The following GON4L variants were observed in gnomAD, a reference collection of about 807,000 sequenced individuals.
GON4L encodes the protein GON-4-like protein.
Under a neutral mutation model 211.8 loss-of-function variants are expected in GON4L, and 87 were observed. The observed-to-expected ratio is 0.41, with a 90% CI of 0.35 to 0.49. The LOEUF is 0.49. Among genes scored for constraint, GON4L ranks in the 20% least tolerant of loss-of-function variants. The probability of loss-of-function intolerance (pLI) is 0.15; values close to 1 mark genes in which losing one functional copy is unlikely to be tolerated. For synonymous variants in GON4L, 875 were observed against 962.6 expected (o/e 0.91, Z 1.68); for missense variants, 2,155 against 2,659.5 (o/e 0.81, Z 4.17).
chr1:155,834,321 A>G (rs1186395893), intron 2 of GON4L, among the ~76,000 whole-genome samples: 1 of 151,906 alleles, frequency 6.6e-6, no homozygotes, highest in Non-Finnish European at 1.5e-5. Flanking sequence ...CACTTTTACT[A>G]TTACTTCTCC....
intron 12 of GON4L, among the ~76,000 whole-genome samples, chr1:155,790,207 C>G (rs1665381910): frequency 6.6e-6 from 1 of 152,100 alleles, no homozygotes; most frequent in Non-Finnish European, 1.5e-5. Flanking sequence ...TCAAGCGATT[C>G]TCCTGCCTCA....
Position 155,754,455 on chromosome 1 carries a change from C to T in GON4L, c.5551G>A (p.Ala1851Thr), listed in dbSNP as rs1047345752. The T allele has an allele frequency of 2.2e-5, 35 of 1,612,642 alleles. No homozygotes were observed. The highest frequency in any genetic ancestry group is 2.8e-5 in the Non-Finnish European group (33 of 1,179,138). ...GGACCTCCTTCATGGCAGGAGCAGG[C>T]ACAGTCCTTGGCCCCATCTGGCCAT... ...TEWPDGAKDC[A>T]CSCHEGGPDS... The change falls in exon 28 of 32, where the codon GCC becomes ACC. Residue 1851 changes from alanine to threonine, a missense_variant. Ala to Thr is a moderately conservative substitution (Grantham distance 58). Transcript: ENST00000368331.
chr1:155,763,745 G>A (rs989596402), intron 21 of GON4L, among the ~76,000 whole-genome samples, 181 bp from the exon 22 acceptor site: 1 of 152,186 alleles, frequency 6.6e-6, no homozygotes, highest in Non-Finnish European at 1.5e-5. Flanking sequence ...GCTCACGCCT[G>A]TAATCCTGAC....
At chr1:155,773,028 A>G (rs951066620) in intron 18 of GON4L, 38 bp downstream of exon 18, 1 of 1,610,074 alleles carries the variant, frequency 6.2e-7, no homozygotes, top group African/African-American at 1.3e-5. Flanking sequence ...TCTCCTTGGG[A>G]TGTTCTGCTG....
chr1:155,809,906 AT>A (rs1667549126), intron 10 of GON4L, among the ~76,000 whole-genome samples: 1 of 133,184 alleles, frequency 7.5e-6, no homozygotes, highest in African/African-American at 2.9e-5. Context: ...ATAATTATAA[AT>A]TATATACATA....
intron 10 of GON4L, among the ~76,000 whole-genome samples, chr1:155,810,516 G>A (rs1457868334): frequency 6.6e-6 from 1 of 150,832 alleles, no homozygotes; most frequent in East Asian, 2.0e-4. Flanking sequence ...GACCATCCTG[G>A]CTAACACAGT....
chr1:155,819,137 T>C (rs961978866), intron 6 of GON4L, among the ~76,000 whole-genome samples: 1 of 148,500 alleles, frequency 6.7e-6, no homozygotes, highest in African/African-American at 2.5e-5. Flanking sequence ...ATAAAAATTT[T>C]AAAAAATACA....
At chr1:155,782,061 C>T (rs931601203) in intron 14 of GON4L, among the ~76,000 whole-genome samples, 1 of 152,168 alleles carries the variant, frequency 6.6e-6, no homozygotes, top group Non-Finnish European at 1.5e-5. Context: ...TGGCCTTGCA[C>T]CTAGTTTTAA....
intron 20 of GON4L, chr1:155,767,063 A>C (rs1033049197): frequency 2.6e-5 from 15 of 587,866 alleles, no homozygotes; most frequent in Non-Finnish European, 3.8e-5. Context: ...ACAACAACAA[A>C]AAAAGAATTT....
intron 11 of GON4L, among the ~76,000 whole-genome samples, chr1:155,796,423 G>A (rs1255763776): frequency 6.6e-6 from 1 of 151,672 alleles, no homozygotes; most frequent in African/African-American, 2.4e-5. Context: ...GATTACAGAT[G>A]CCCACCACCA....
At chr1:155,847,019 A>G (rs1052309205) in intron 2 of GON4L, among the ~76,000 whole-genome samples, 8 of 152,190 alleles carry the variant, frequency 5.3e-5, no homozygotes, top group Non-Finnish European at 7.3e-5. Context: ...AAAAACAAAA[A>G]AAACACAGGA....
rs1384566378 is a variant in GON4L at position 155,753,382 on chromosome 1, C to A, written c.5664G>T (p.Glu1888Asp). The A allele has an allele frequency of 8.1e-6, 13 of 1,613,580 alleles. No individual in the cohort carries two copies. The highest frequency in any genetic ancestry group is 9.3e-6 in the Non-Finnish European group (11 of 1,179,762). The part of the protein sequence containing the change: ...VCDSKSYKSK[E>D]PHELVGSSPH... ...GGCTGCTGCCCACCAACTCATGGGGCTCCTTGCTCTTGTAGGATTTGCTGT... is the reference window on the plus strand; with the variant it reads ...GGCTGCTGCCCACCAACTCATGGGGATCCTTGCTCTTGTAGGATTTGCTGT... Residue 1888 changes from glutamate to aspartate, a missense_variant, in exon 29 of 32, where the codon GAG becomes GAT. Coordinates refer to ENST00000368331, the MANE Select transcript of GON4L (RefSeq NM_001282860.2).
chr1:155,758,289 C>T (rs1366787477), intron 24 of GON4L, among the ~76,000 whole-genome samples: 1 of 152,198 alleles, frequency 6.6e-6, no homozygotes, highest in African/African-American at 2.4e-5. Flanking sequence ...AAGTTGTTTG[C>T]TGTTTTAAGG....
chr1:155,757,364 C>G (rs754768156), intron 25 of GON4L, 41 bp from the exon 26 acceptor site: 26 of 1,585,424 alleles, frequency 1.6e-5, no homozygotes, highest in Admixed American at 5.1e-5. Context: ...TCTCCAGAGC[C>G]TCTCTAGGCT....
At chr1:155,828,793 G>C (rs1375395800) in intron 2 of GON4L, among the ~76,000 whole-genome samples, 4 of 130,232 alleles carry the variant, frequency 3.1e-5, no homozygotes, top group Non-Finnish European at 6.2e-5. Flanking sequence ...GGGCGACAGA[G>C]AGAGACTCTG....
At chr1:155,788,719 A>G (rs1665203570) in intron 12 of GON4L, among the ~76,000 whole-genome samples, 1 of 152,206 alleles carries the variant, frequency 6.6e-6, no homozygotes, top group African/African-American at 2.4e-5. Context: ...GCTGAGTGAA[A>G]GAAGCCTTAC....
chr1:155,786,195 GAGAT>G (rs1182986707), intron 12 of GON4L, among the ~76,000 whole-genome samples: 2 of 151,992 alleles, frequency 1.3e-5, no homozygotes, highest in South Asian at 2.1e-4. Flanking sequence ...GAATGAAAGA[GAGAT>G]AGAGAGAGAG....
chr1:155,761,328 T>C (rs73001021), intron 23 of GON4L, among the ~76,000 whole-genome samples: 10,741 of 151,408 alleles, frequency 0.071, 494 homozygotes, highest in African/African-American at 0.13. Context: ...ACCACAGGCA[T>C]GCACCACCAT....
intron 23 of GON4L, among the ~76,000 whole-genome samples, chr1:155,761,582 G>A (rs148128782): frequency 0.064 from 9,555 of 149,180 alleles, 1,055 homozygotes; most frequent in African/African-American, 0.22. Flanking sequence ...TGCAAACTCC[G>A]TCTCCCAGGT....
Sources: gnomAD v4.1 joint callset for allele counts (sites outside exome capture counted in the v4.1 genomes callset) on GRCh38, gnomAD v4.1.1 for gene constraint, MANE v1.5 for transcripts, NCBI Gene and HGNC (gene_info 2026-07-23, HGNC 2026-07-21) for gene names.